GSG1L: variants seen among roughly 807,000 people sequenced by gnomAD.
The protein encoded by GSG1L is germ cell-specific gene 1-like protein.
A neutral mutation model predicts 42.1 loss-of-function variants in GSG1L; 24 were observed. The ratio of observed to expected loss-of-function variants is 0.57; its 90% confidence interval spans 0.41 to 0.80. The LOEUF (loss-of-function observed/expected upper bound fraction) is 0.80, where lower values mean the gene tolerates loss of function less well. Among genes scored for constraint, GSG1L ranks in the 30% least tolerant of loss-of-function variants. The pLI is 0.00. For missense variants in GSG1L, 445 were observed against 472.2 expected (o/e 0.94, Z 0.53); for synonymous variants, 215 against 203.5 (o/e 1.06, Z -0.48).
intron 4 of GSG1L, among the ~76,000 whole-genome samples, chr16:27,830,070 G>T (rs1341387463): frequency 6.6e-6 from 1 of 152,190 alleles, no homozygotes; most frequent in Non-Finnish European, 1.5e-5. Context: ...TAGGAAGGGT[G>T]GGGTAGAGCG....
chr16:28,011,965 G>A (rs534518206), intron 1 of GSG1L, among the ~76,000 whole-genome samples: 50 of 152,086 alleles, frequency 3.3e-4, no homozygotes, highest in Non-Finnish European at 6.8e-4. Context: ...TTGCAACCCT[G>A]ACCTAGGGTG....
chr16:27,870,577 T>C (rs2141011220), intron 3 of GSG1L, among the ~76,000 whole-genome samples: 1 of 151,554 alleles, frequency 6.6e-6, no homozygotes, highest in South Asian at 2.1e-4. Context: ...CACTCTCCTC[T>C]CTTCCCTTCC....
intron 4 of GSG1L, 94 bp downstream of exon 4, chr16:27,844,856 A>ACCCCCCCCCCCC: frequency 1.4e-5 from 1 of 69,334 alleles, no homozygotes. Flanking sequence ...CCTCCCCCCC[A>ACCCCCCCCCCCC]CCGCCCCCCA....
rs749573694 is a variant in GSG1L, at chr16:28,010,042, G to A, written c.350-46839C>T. On this transcript the variant is annotated intron_variant, in intron 1 of 6. Transcript: ENST00000447459. ...CACGCTTGCAAGGTTGTATATCGGC[G>A]CCAACAGGAAAGGCTTCAGGGGAGA... Among the ~76,000 whole-genome samples the A allele has an allele frequency of 7.9e-5, 12 of 152,124 alleles. No homozygotes were observed. In the East Asian group the frequency reaches 1.5e-3, roughly 20 times the overall value.
chr16:28,048,446 TAGAC>T (rs1339606693), intron 1 of GSG1L, among the ~76,000 whole-genome samples: 1 of 152,178 alleles, frequency 6.6e-6, no homozygotes, highest in East Asian at 1.9e-4. Context: ...ATTTTTTTAA[TAGAC>T]AGAGTCTCAC....
At chr16:27,971,440 T>C (rs1472875875) in intron 1 of GSG1L, among the ~76,000 whole-genome samples, 1 of 152,206 alleles carries the variant, frequency 6.6e-6, no homozygotes, top group African/African-American at 2.4e-5. Context: ...AAATTTCATT[T>C]TGGATTGTTC....
At chr16:27,979,824 A>AAG (rs147059998) in intron 1 of GSG1L, among the ~76,000 whole-genome samples, 6 of 142,752 alleles carry the variant, frequency 4.2e-5, no homozygotes, top group East Asian at 4.0e-4. Flanking sequence ...AAAAGAAAGA[A>AAG]AGAGAGAGAG....
intron 2 of GSG1L, among the ~76,000 whole-genome samples, chr16:27,914,528 C>T (rs2084428944): frequency 7.2e-6 from 1 of 138,544 alleles, no homozygotes; most frequent in African/African-American, 3.1e-5. Flanking sequence ...CTTTTCTTTT[C>T]TATTTTTTTT....
intron 3 of GSG1L, among the ~76,000 whole-genome samples, chr16:27,846,816 G>C (rs1567483750): frequency 1.3e-5 from 2 of 152,032 alleles, no homozygotes; most frequent in Non-Finnish European, 2.9e-5. Context: ...AATTACCCGG[G>C]CGTGGTGGTG....
At chr16:28,047,981 G>T (rs1049191501) in intron 1 of GSG1L, among the ~76,000 whole-genome samples, 4 of 151,880 alleles carry the variant, frequency 2.6e-5, no homozygotes. Flanking sequence ...CACTTTGGGA[G>T]GCTGAGGCAG....
intron 1 of GSG1L, among the ~76,000 whole-genome samples, chr16:28,048,458 C>A (rs897936142): frequency 4.6e-5 from 7 of 152,046 alleles, no homozygotes; most frequent in Non-Finnish European, 7.4e-5. Context: ...GACAGAGTCT[C>A]ACTATGTTGC....
At chr16:28,039,996 C>A (rs552741299) in intron 1 of GSG1L, among the ~76,000 whole-genome samples, 42 of 152,278 alleles carry the variant, frequency 2.8e-4, no homozygotes, top group Middle Eastern at 3.4e-3. Context: ...TGGCATCACC[C>A]ACCAGCTTCT....
intron 1 of GSG1L, among the ~76,000 whole-genome samples, chr16:27,972,775 G>A (rs2085207374): frequency 6.6e-6 from 1 of 152,246 alleles, no homozygotes; most frequent in Non-Finnish European, 1.5e-5. Context: ...ATTGGTCAGG[G>A]TGGAGCCCAT....
At chr16:27,832,300 C>A (rs2083282001) in intron 4 of GSG1L, among the ~76,000 whole-genome samples, 2 of 152,150 alleles carry the variant, frequency 1.3e-5, no homozygotes, top group African/African-American at 2.4e-5. Flanking sequence ...TACAATATCA[C>A]AAGCAGGATA....
intron 1 of GSG1L, among the ~76,000 whole-genome samples, chr16:27,980,908 A>AAC (rs1021785185): frequency 2.6e-5 from 4 of 151,562 alleles, no homozygotes; most frequent in Non-Finnish European, 5.9e-5. Context: ...AAACAAAAAA[A>AAC]AAAAAAAAAG....
intron 1 of GSG1L, among the ~76,000 whole-genome samples, chr16:28,025,386 A>C (rs2085888971): frequency 6.6e-6 from 1 of 152,166 alleles, no homozygotes; most frequent in South Asian, 2.1e-4. Context: ...AGCAGACATA[A>C]GGGGGACATG....
chr16:27,987,038 G>A (rs1290985798), intron 1 of GSG1L, among the ~76,000 whole-genome samples: 3 of 152,148 alleles, frequency 2.0e-5, no homozygotes, highest in African/African-American at 7.2e-5. Flanking sequence ...CCAACATGGT[G>A]AAACCCCGTC....
chr16:28,036,499 C>T (rs1161691483), intron 1 of GSG1L, among the ~76,000 whole-genome samples: 1 of 151,996 alleles, frequency 6.6e-6, no homozygotes, highest in Non-Finnish European at 1.5e-5. Context: ...ACGCTCCTCA[C>T]GTCTCCCAGG....
chr16:27,821,920 A>G (rs1195374210), intron 5 of GSG1L, among the ~76,000 whole-genome samples: 1 of 152,000 alleles, frequency 6.6e-6, no homozygotes, highest in Non-Finnish European at 1.5e-5. Context: ...AAATAAATAA[A>G]TAAATAAATA....
Sources: gnomAD v4.1 joint callset for allele counts (sites outside exome capture counted in the v4.1 genomes callset) on GRCh38, gnomAD v4.1.1 for gene constraint, MANE v1.5 for transcripts, NCBI Gene and HGNC (gene_info 2026-07-23, HGNC 2026-07-21) for gene names.